Variants in DMBT1 observed in about 807,000 individuals in gnomAD.
DMBT1 encodes the protein scavenger receptor cysteine-rich domain-containing protein DMBT1.
A neutral mutation model predicts 252.9 loss-of-function variants in DMBT1; 198 were observed. That is an observed-to-expected ratio of 0.78 (90% CI 0.70 to 0.88). DMBT1 has a LOEUF of 0.88. DMBT1 is among the 40% of genes least tolerant of loss of function. The probability of loss-of-function intolerance (pLI) is 0.00; values close to 1 mark genes in which losing one functional copy is unlikely to be tolerated. For missense variants in DMBT1, 2,432 were observed against 2,404.7 expected (o/e 1.01, Z -0.24); for synonymous variants, 990 against 942.7 (o/e 1.05, Z -0.92).
chr10:122,620,600 G>A (rs2098056483), intron 43 of DMBT1, among the ~76,000 whole-genome samples: 1 of 152,206 alleles, frequency 6.6e-6, no homozygotes, highest in Admixed American at 6.5e-5. Flanking sequence ...TCAGGCCACA[G>A]GCTGCAGACC....
chr10:122,580,922 A>G, intron 11 of DMBT1, 27 bp downstream of exon 11: 1 of 1,612,942 alleles, frequency 6.2e-7, no homozygotes, highest in Non-Finnish European at 8.5e-7. Flanking sequence ...CTTCCTCAAA[A>G]TGTCCCTTCT....
chr10:122,586,804 T>G (rs1258573452), intron 16 of DMBT1, among the ~76,000 whole-genome samples: 3 of 148,396 alleles, frequency 2.0e-5, no homozygotes, highest in African/African-American at 7.3e-5. Flanking sequence ...TCAGGCTGCT[T>G]GTACTCCTGG....
At position 122,636,112 on chromosome 10, in the gene DMBT1, A is replaced by C; in HGVS notation, c.6670A>C (p.Met2224Leu). ...RGSFTSSSNF[M>L]SIRFISDHSI... ...CTCCTTCACTTCTTCCTCCAACTTC[A>C]TGTCCATTCGCTTCATCAGTGACCA... Residue 2224 changes from methionine to leucine, a missense_variant, in exon 53 of 56, where the codon ATG (methionine) becomes CTG (leucine). Around this residue, in one of 3 missense-constraint regions of DMBT1, gnomAD observed 1,162 missense variants for 1,169.0 expected, o/e 0.99. Coordinates refer to ENST00000338354, the MANE Select transcript of DMBT1 (RefSeq NM_001377530.1). 6.2e-7 allele frequency: 1 copy of C among 1,613,952 alleles called. No individual in the cohort carries two copies. Among genetic ancestry groups the C allele is most frequent in the Non-Finnish European group, 8.5e-7 (1 of 1,179,896 alleles).
At position 122,629,732 on chromosome 10, in the gene DMBT1, G is replaced by A. The variant is rs542469755; in HGVS notation, c.5669-108G>A. 3.0e-6 allele frequency: 4 copies of A among 1,342,930 alleles called. No homozygotes were observed. In the South Asian group the frequency reaches 5.9e-5, roughly 20 times the overall value. 83.2% of individuals were successfully genotyped at this position (1,342,930 alleles called of 1,614,324 possible). On this transcript the variant is annotated intron_variant, in intron 46 of 55. Transcript: ENST00000338354. ...TTGTTTACAGGGAAAGTTAAGTCTTGTTATAAAGTGCAGAAGATGAAACTG... is the reference window on the plus strand; with the variant it reads ...TTGTTTACAGGGAAAGTTAAGTCTTATTATAAAGTGCAGAAGATGAAACTG...
chr10:122,579,463 G>GTGAC, intron 9 of DMBT1, 115 bp from the exon 10 acceptor site: 1 of 1,573,260 alleles, frequency 6.4e-7, no homozygotes, highest in Non-Finnish European at 8.6e-7. Flanking sequence ...ATATGCAAAG[G>GTGAC]TGACTGCCTG....
At chr10:122,566,054 C>T (rs969447602) in intron 2 of DMBT1, 58 bp downstream of exon 2, 122 of 1,560,228 alleles carry the variant, frequency 7.8e-5, no homozygotes, top group Non-Finnish European at 1.0e-4. Flanking sequence ...TCCTCTGCTA[C>T]TGTTGGCTAG....
In DMBT1 at chr10:122,565,967, G is replaced by C; in HGVS notation, c.62G>C (p.Gly21Ala). ...TAAGACGAATTTGTGTTCTTTCCAG[G>C]TGGGTGGATCCCAAGGACTACAGAC... is the stretch of plus-strand genomic sequence containing the variant. ...CLLWGQVLST[G>A]GWIPRTTDYA... Residue 21 changes from glycine (G) to alanine (A), a missense_variant and splice_region_variant, in exon 2 of 56, where the codon GGT (glycine) becomes GCT (alanine). Physicochemically the swap from Gly to Ala is moderately conservative, Grantham distance 60 (BLOSUM62 0). This residue lies in a region of DMBT1 where 1,264 missense variants were observed against 1,082.2 expected (regional missense o/e 1.17). Coordinates refer to ENST00000338354, the MANE Select transcript of DMBT1 (RefSeq NM_001377530.1). 2 of 1,613,958 alleles carry C rather than the reference G, an allele frequency of 1.2e-6. No homozygotes were observed. The highest frequency in any genetic ancestry group is 1.3e-5 in the African/African-American group (1 of 75,060).
rs571639336 is a variant in DMBT1, at chr10:122,600,350, T to C, written c.3310+257T>C. ...TCATACTGTCCCAGTGGACAACCCT[T>C]ACAGGTTCAGGAAGTGGCCCCATGT... On this transcript the variant is annotated intron_variant, in intron 27 of 55. Transcript: ENST00000338354. 2.1e-3 allele frequency among the ~76,000 whole-genome samples: 319 copies of C among 152,170 alleles called. 2 individuals carry two copies. The highest frequency in any genetic ancestry group is 7.2e-3 in the African/African-American group (297 of 41,488).
intron 54 of DMBT1, among the ~76,000 whole-genome samples, chr10:122,637,818 T>C (rs1475957548): frequency 1.3e-5 from 2 of 152,234 alleles, no homozygotes; most frequent in African/African-American, 4.8e-5. Context: ...AAGCTTCAGC[T>C]TCATTAGCTC....
chr10:122,599,499 G>A (rs1160274611), intron 26 of DMBT1, among the ~76,000 whole-genome samples: 2 of 152,216 alleles, frequency 1.3e-5, no homozygotes, highest in Non-Finnish European at 2.9e-5. Context: ...CTGAAAGTGG[G>A]TTCTCAGCTG....
chr10:122,578,054 C>T (rs895283443), intron 8 of DMBT1, among the ~76,000 whole-genome samples: 2 of 152,228 alleles, frequency 1.3e-5, no homozygotes, highest in Non-Finnish European at 2.9e-5. Flanking sequence ...TTTCATCACA[C>T]AGTTCCATGC....
At position 122,643,301 on chromosome 10, in the gene DMBT1, C is replaced by T. The variant is rs1160076916; in HGVS notation, c.7532C>T (p.Ser2511Leu). The T allele has an allele frequency of 6.2e-6, 10 of 1,613,778 alleles. No individual in the cohort carries two copies. The Admixed American group carries it at 6.7e-5, about 11-fold the overall frequency. Reference protein sequence around the residue: ...SRCYRGCVLRSKRDVGSYQEK... With the variant: ...SRCYRGCVLRLKRDVGSYQEK... ...TGCTACCGAGGCTGTGTGTTGAGGT[C>T]GAAGAGGGATGTGGGCTCCTACCAG... The change falls in exon 56 of 56, where the codon TCG becomes TTG. Residue 2511 changes from serine (S) to leucine (L), a missense_variant. Transcript: ENST00000338354.
chr10:122,598,169 C>G lies in DMBT1; in HGVS notation c.2956+157C>G, dbSNP rs145794394. Among the ~76,000 whole-genome samples, 1,463 of 152,054 alleles carry G rather than the reference C, an allele frequency of 9.6e-3. 19 individuals are homozygous for G. The highest frequency in any genetic ancestry group is 0.025 in the African/African-American group (1,027 of 41,418). ...AGGTAGCGTCTCTGGGGACCCAGCT[C>G]TGGGTCTGATGTTGGAGGCTGGAGG... On this transcript the variant is annotated intron_variant, in intron 25 of 55. Transcript: ENST00000338354.
chr10:122,634,430 T>TTCTCTCTCTCTCTC (rs764559052), intron 52 of DMBT1, among the ~76,000 whole-genome samples: 34 of 74,242 alleles, frequency 4.6e-4, no homozygotes, highest in Admixed American at 8.3e-4. Context: ...TCTCTCTCTC[T>TTCTCTCTCTCTCTC]TCTCTCTCTC....
Position 122,586,063 on chromosome 10 carries a change from C to A in DMBT1, c.1463C>A (p.Ser488Tyr). The change falls in exon 16 of 56, where the codon TCT becomes TAT. Residue 488 changes from serine (S) to tyrosine (Y), a missense_variant. Around this residue, in one of 3 missense-constraint regions of DMBT1, gnomAD observed 1,264 missense variants for 1,082.2 expected, o/e 1.17. Coordinates refer to ENST00000338354, the MANE Select transcript of DMBT1 (RefSeq NM_001377530.1). ...GGGTTCTTGTTTTCCCCTGTAGGAT[C>A]TGAATCCAGTTTGGCCCTGAGGCTG... ...TITLPASTVG[S>Y]ESSLALRLVN... is the part of the protein sequence containing the mutation. The A allele has an allele frequency of 6.3e-7, 1 of 1,588,736 alleles. No homozygotes were observed. The highest frequency in any genetic ancestry group is 1.1e-5 in the South Asian group (1 of 87,026).
At chr10:122,634,426 TCTCTTCTCTCTCTCTC>T (rs1566005914) in intron 52 of DMBT1, among the ~76,000 whole-genome samples, 2 of 74,816 alleles carry the variant, frequency 2.7e-5, no homozygotes, top group Non-Finnish European at 4.7e-5. Flanking sequence ...TCTCTCTCTC[TCTCTTCTCTCTCTCTC>T]TCTCTCTCTC....
chr10:122,566,973 C>T (rs1268206140), intron 2 of DMBT1, among the ~76,000 whole-genome samples: 1 of 152,158 alleles, frequency 6.6e-6, no homozygotes, highest in East Asian at 1.9e-4. Flanking sequence ...CTTACCCCTG[C>T]CCTGGTCTTT....
At chr10:122,619,368 C>A in intron 42 of DMBT1, 31 bp downstream of exon 42, 1 of 1,613,878 alleles carries the variant, frequency 6.2e-7, no homozygotes. Flanking sequence ...ATCGGGATGT[C>A]CCTTCTCTTT....
In DMBT1 at chr10:122,637,384, G is replaced by A. The variant is rs1049337304; in HGVS notation, c.6942+72G>A. 2.9e-6 allele frequency: 4 copies of A among 1,397,650 alleles called. No homozygotes were observed. In the African/African-American group the frequency reaches 5.8e-5, roughly 20 times the overall value. 86.6% of individuals were successfully genotyped at this position (1,397,650 alleles called of 1,614,324 possible). ...TAGAGCGGTATGTCCTGTGCTTCTT[G>A]AATTCTGGGGATGAAGAAATTATGA... On this transcript the variant is annotated intron_variant, in intron 54 of 55. Transcript: ENST00000338354.
Sources: gnomAD v4.1 joint callset for allele counts (sites outside exome capture counted in the v4.1 genomes callset) on GRCh38, gnomAD v4.1.1 for gene constraint, gnomAD v4.1.1 regional missense constraint, MANE v1.5 for transcripts, NCBI Gene and HGNC (gene_info 2026-07-23, HGNC 2026-07-21) for gene names.